The following PCDH11X variants were observed in gnomAD, a reference collection of about 807,000 sequenced individuals.
PCDH11X encodes the protein protocadherin 11 X-linked, also known as protocadherin-11 X-linked.
In PCDH11X, 18 loss-of-function variants were observed where a neutral mutation model predicts 53.3. The observed-to-expected ratio is 0.34, with a 90% CI of 0.23 to 0.50. The LOEUF (loss-of-function observed/expected upper bound fraction) is 0.50, where lower values mean the gene tolerates loss of function less well. PCDH11X is among the 20% of genes least tolerant of loss of function. PCDH11X has a pLI of 0.98. For synonymous variants in PCDH11X, 279 were observed against 393.3 expected (o/e 0.71, Z 3.44); for missense variants, 570 against 1,032.4 (o/e 0.55, Z 6.14).
chrX:92,472,647 A>G, intron 10 of PCDH11X, among the ~76,000 whole-genome samples: 1 of 110,477 alleles, frequency 9.1e-6, no homozygotes, highest in South Asian at 3.7e-4. Context: ...TTAAAAATTT[A>G]TTTCTGTAAA....
chrX:92,348,470 A>G (rs1309527758), intron 8 of PCDH11X, among the ~76,000 whole-genome samples: 7 of 108,201 alleles, frequency 6.5e-5, no homozygotes, highest in African/African-American at 2.4e-4. Flanking sequence ...CCATTCATCT[A>G]TGAGATGTTT....
At chrX:92,272,080 A>G (rs1180396309) in intron 8 of PCDH11X, among the ~76,000 whole-genome samples, 2 of 111,678 alleles carry the variant, frequency 1.8e-5, no homozygotes, top group African/African-American at 6.5e-5. Context: ...AAGTATCTCG[A>G]CATAAAATAT....
intron 8 of PCDH11X, among the ~76,000 whole-genome samples, chrX:92,270,329 G>T (rs1444295107): frequency 4.5e-5 from 5 of 109,981 alleles, no homozygotes; most frequent in Non-Finnish European, 9.5e-5. Flanking sequence ...TTACCATGTT[G>T]GCCAAGCTGG....
intron 6 of PCDH11X, among the ~76,000 whole-genome samples, chrX:92,123,947 T>C (rs2064816929): frequency 9.2e-6 from 1 of 109,271 alleles, no homozygotes; most frequent in Non-Finnish European, 1.9e-5. Context: ...GGCACACTGG[T>C]CTCCATTTTT....
chrX:92,320,069 G>A (rs1429762876), intron 8 of PCDH11X, among the ~76,000 whole-genome samples: 1 of 111,026 alleles, frequency 9.0e-6, no homozygotes, highest in Non-Finnish European at 1.9e-5. Flanking sequence ...TGGGTTTGGG[G>A]TTGATTACCA....
intron 8 of PCDH11X, among the ~76,000 whole-genome samples, chrX:92,315,340 A>G (rs1248998649): frequency 9.0e-6 from 1 of 111,475 alleles, no homozygotes; most frequent in Non-Finnish European, 1.9e-5. Context: ...TAGATATTTA[A>G]AACCTTCTTT....
At chrX:92,521,727 C>T (rs2074373108) in intron 10 of PCDH11X, among the ~76,000 whole-genome samples, 1 of 109,303 alleles carries the variant, frequency 9.1e-6, no homozygotes, top group Non-Finnish European at 1.9e-5. Context: ...CATTGAAAAT[C>T]TGCTGTTTAG....
At chrX:92,132,689 A>ATATG (rs1465452426) in intron 6 of PCDH11X, among the ~76,000 whole-genome samples, 2 of 65,335 alleles carry the variant, frequency 3.1e-5, no homozygotes, top group African/African-American at 1.5e-4. Context: ...ATATATATGT[A>ATATG]TATATATATA....
At chrX:92,525,185 G>C (rs1021472794) in intron 10 of PCDH11X, among the ~76,000 whole-genome samples, 5 of 111,180 alleles carry the variant, frequency 4.5e-5, no homozygotes, top group Non-Finnish European at 7.6e-5. Flanking sequence ...AATTCTTTTT[G>C]TCAACTGCTA....
intron 5 of PCDH11X, among the ~76,000 whole-genome samples, chrX:91,858,976 C>T (rs1195572260): frequency 3.7e-5 from 4 of 108,869 alleles, no homozygotes; most frequent in African/African-American, 1.3e-4. Flanking sequence ...CCCACTCTAC[C>T]AGTACCAGTT....
At chrX:92,186,628 C>CAAAAAAAA (rs34913850) in intron 6 of PCDH11X, among the ~76,000 whole-genome samples, 2 of 63,488 alleles carry the variant, frequency 3.2e-5, no homozygotes, top group African/African-American at 1.3e-4. Context: ...AACTCCGTCT[C>CAAAAAAAA]AAAAAAAAAA....
intron 8 of PCDH11X, among the ~76,000 whole-genome samples, chrX:92,350,384 A>G (rs192449979): frequency 9.0e-6 from 1 of 110,976 alleles, no homozygotes; most frequent in East Asian, 2.9e-4. Context: ...TCTGGGGCTC[A>G]AAGTCGCTGT....
At chrX:91,959,245 C>T (rs377539041) in intron 6 of PCDH11X, among the ~76,000 whole-genome samples, 3 of 108,795 alleles carry the variant, frequency 2.8e-5, no homozygotes, top group Middle Eastern at 4.7e-3. Context: ...GTGACTGTTA[C>T]GTCAAGTTAA....
intron 6 of PCDH11X, among the ~76,000 whole-genome samples, chrX:92,126,834 T>C (rs957991002): frequency 1.0e-5 from 1 of 96,762 alleles, no homozygotes; most frequent in East Asian, 4.3e-4. Flanking sequence ...ATGTATTTCT[T>C]ACCTTTGTTT....
At chrX:92,020,340 A>G (rs930916283) in intron 6 of PCDH11X, among the ~76,000 whole-genome samples, 2 of 111,999 alleles carry the variant, frequency 1.8e-5, no homozygotes, top group Non-Finnish European at 3.8e-5. Flanking sequence ...GCTCCAGGTC[A>G]TGCTTTTTCC....
At chrX:92,338,857 C>G (rs2069683040) in intron 8 of PCDH11X, among the ~76,000 whole-genome samples, 1 of 111,471 alleles carries the variant, frequency 9.0e-6, no homozygotes, top group Non-Finnish European at 1.9e-5. Context: ...GTGGGCTGCT[C>G]AAAGCTATGC....
At chrX:92,044,123 A>AT (rs781030680) in intron 6 of PCDH11X, among the ~76,000 whole-genome samples, 261 of 110,575 alleles carry the variant, frequency 2.4e-3, no homozygotes, top group Non-Finnish European at 4.3e-3. Flanking sequence ...TTTTTTTAAT[A>AT]TTTTATTTTT....
At chrX:92,342,627 C>T (rs1234221085) in intron 8 of PCDH11X, among the ~76,000 whole-genome samples, 2 of 111,416 alleles carry the variant, frequency 1.8e-5, no homozygotes, top group Admixed American at 1.9e-4. Flanking sequence ...TGCATGTTCT[C>T]ACTTATAAGT....
chrX:92,111,253 C>CAAAAAAAAAAAAAAA, intron 6 of PCDH11X, among the ~76,000 whole-genome samples: 1 of 52,401 alleles, frequency 1.9e-5, no homozygotes, highest in Admixed American at 3.5e-4. Flanking sequence ...AAAAAAAAAT[C>CAAAAAAAAAAAAAAA]AGCGTCAACT....
Sources: gnomAD v4.1 joint callset for allele counts (sites outside exome capture counted in the v4.1 genomes callset) on GRCh38, gnomAD v4.1.1 for gene constraint, MANE v1.5 for transcripts, NCBI Gene and HGNC (gene_info 2026-07-23, HGNC 2026-07-21) for gene names.